The following MYRIP variants were observed in gnomAD, a reference collection of about 807,000 sequenced individuals.
MYRIP encodes rab effector MyRIP.
In MYRIP, 49 loss-of-function variants were observed where a neutral mutation model predicts 98.0. The ratio of observed to expected loss-of-function variants is 0.50; its 90% CI spans 0.40 to 0.63. The LOEUF (loss-of-function observed/expected upper bound fraction) is 0.63, where lower values mean the gene tolerates loss of function less well. MYRIP is among the 30% of genes least tolerant of loss of function. MYRIP has a pLI of 0.00. For missense variants in MYRIP, 1,004 were observed against 1,058.2 expected, an observed-to-expected ratio of 0.95 and a Z score of 0.71; for synonymous variants, 404 against 409.5, an observed-to-expected ratio of 0.99 and a Z score of 0.16.
At chr3:40,145,845 T>C (rs1328210747) in intron 3 of MYRIP, among the ~76,000 whole-genome samples, 3 of 152,214 alleles carry the variant, frequency 2.0e-5, no homozygotes, top group African/African-American at 4.8e-5. Flanking sequence ...CTGAGGTGAC[T>C]GAAGATGTCA....
chr3:40,048,830 T>G (rs1349033910), intron 3 of MYRIP, among the ~76,000 whole-genome samples: 1 of 152,168 alleles, frequency 6.6e-6, no homozygotes, highest in East Asian at 1.9e-4. Flanking sequence ...ATTAAATGTA[T>G]TATAGAATGA....
chr3:40,214,348 C>T (rs1039213746), intron 11 of MYRIP, among the ~76,000 whole-genome samples: 1 of 152,254 alleles, frequency 6.6e-6, no homozygotes, highest in East Asian at 1.9e-4. Context: ...TGGATATGCC[C>T]GTAGACACAG....
intron 3 of MYRIP, among the ~76,000 whole-genome samples, chr3:40,109,707 C>G (rs146071659): frequency 6.6e-6 from 1 of 152,334 alleles, no homozygotes; most frequent in African/African-American, 2.4e-5. Context: ...TACTGCTAAG[C>G]CAGATCACCA....
intron 16 of MYRIP, among the ~76,000 whole-genome samples, chr3:40,253,381 G>T (rs1165194722): frequency 6.6e-6 from 1 of 152,180 alleles, no homozygotes; most frequent in Admixed American, 6.5e-5. Flanking sequence ...TGAAGGTTCA[G>T]CTGTCTCTTA....
intron 3 of MYRIP, among the ~76,000 whole-genome samples, chr3:40,148,624 G>T (rs1244581390): frequency 1.3e-5 from 2 of 152,154 alleles, no homozygotes; most frequent in Non-Finnish European, 2.9e-5. Context: ...CTAGCCTGTT[G>T]CATGGATGCA....
At chr3:40,008,866 C>A (rs892701237) in intron 2 of MYRIP, among the ~76,000 whole-genome samples, 2 of 152,198 alleles carry the variant, frequency 1.3e-5, no homozygotes, top group Middle Eastern at 3.2e-3. Flanking sequence ...CAGACAGGAC[C>A]TAGGTAGCCT....
At chr3:40,018,813 C>CA (rs1177229412) in intron 2 of MYRIP, among the ~76,000 whole-genome samples, 1 of 152,066 alleles carries the variant, frequency 6.6e-6, no homozygotes, top group African/African-American at 2.4e-5. Flanking sequence ...AAACTAGTCA[C>CA]AAAAAATAAG....
chr3:40,128,329 C>T (rs1575559676), intron 3 of MYRIP, among the ~76,000 whole-genome samples: 1 of 152,184 alleles, frequency 6.6e-6, no homozygotes, highest in Non-Finnish European at 1.5e-5. Context: ...GCAGACTAGG[C>T]AGCATATCTG....
chr3:39,872,540 A>C (rs955991378), intron 1 of MYRIP, among the ~76,000 whole-genome samples: 2 of 125,844 alleles, frequency 1.6e-5, no homozygotes, highest in Admixed American at 1.1e-4. Flanking sequence ...TCCTGTGTCC[A>C]TGTGTTCTCA....
intron 2 of MYRIP, among the ~76,000 whole-genome samples, chr3:39,960,114 T>C (rs893501506): frequency 7.9e-5 from 12 of 152,118 alleles, no homozygotes; most frequent in African/African-American, 2.9e-4. Flanking sequence ...CAGCAGTGGA[T>C]GTGACAGTGA....
chr3:40,096,283 A>C (rs1948833797), intron 3 of MYRIP, among the ~76,000 whole-genome samples: 2 of 152,234 alleles, frequency 1.3e-5, no homozygotes, highest in African/African-American at 2.4e-5. Context: ...GCATGGTCAC[A>C]CAGTCACTGT....
intron 2 of MYRIP, among the ~76,000 whole-genome samples, chr3:39,915,909 C>T (rs1410168566): frequency 6.6e-6 from 1 of 151,930 alleles, no homozygotes; most frequent in Non-Finnish European, 1.5e-5. Context: ...TTTCACCCCT[C>T]CCCTAATTCT....
In MYRIP at chr3:39,873,814, T is replaced by C. The variant is rs1478835473; in HGVS notation, c.-30-26973T>C. The stretch of plus-strand genomic sequence containing the variant: ...TTCTTTTGGCTTAGGATTGACTTGG[T>C]GATGTGGGCCCTTTTTTGGTTCCAT... On this transcript the variant is annotated intron_variant, in intron 1 of 16. Transcript: ENST00000302541. Among the ~76,000 whole-genome samples, 1,308 of 151,968 alleles carry C rather than the reference T, an allele frequency of 8.6e-3. 17 individuals carry two copies. The highest frequency in any genetic ancestry group is 0.03 in the African/African-American group (1,233 of 41,338).
intron 1 of MYRIP, among the ~76,000 whole-genome samples, chr3:39,897,309 G>A (rs992776786): frequency 3.9e-5 from 6 of 152,140 alleles, no homozygotes; most frequent in African/African-American, 1.4e-4. Context: ...CCCCATGAAG[G>A]CAATACAATT....
At chr3:40,043,637 A>G (rs535927647) in intron 2 of MYRIP, among the ~76,000 whole-genome samples, 1 of 152,288 alleles carries the variant, frequency 6.6e-6, no homozygotes, top group African/African-American at 2.4e-5. Context: ...CCAGGACTGC[A>G]TTTATCATAT....
At chr3:40,197,842 A>G (rs542122343) in intron 10 of MYRIP, among the ~76,000 whole-genome samples, 2 of 152,278 alleles carry the variant, frequency 1.3e-5, no homozygotes, top group Non-Finnish European at 2.9e-5. Flanking sequence ...TCCTGTTAGC[A>G]GTTCTTAGAT....
chr3:39,938,923 C>G (rs1369728602), intron 2 of MYRIP, among the ~76,000 whole-genome samples: 1 of 152,166 alleles, frequency 6.6e-6, no homozygotes, highest in Non-Finnish European at 1.5e-5. Context: ...TTTGAGCCCT[C>G]TTGGCCTGGC....
At chr3:40,098,789 G>A (rs1241602854) in intron 3 of MYRIP, among the ~76,000 whole-genome samples, 1 of 46,300 alleles carries the variant, frequency 2.2e-5, no homozygotes, top group Non-Finnish European at 5.1e-5. Flanking sequence ...TCTTCTTACA[G>A]ATCAGAGATA....
chr3:40,043,956 A>G lies in MYRIP; in HGVS notation c.111-94A>G, dbSNP rs1383049230. The stretch of plus-strand genomic sequence containing the variant: ...AAGGTCCTACATGGTAGCTTGGCCT[A>G]AGGGAGGGACAGGGTGCATGCTTTG... On this transcript the variant is annotated intron_variant, in intron 2 of 16. Transcript: ENST00000302541. The G allele has an allele frequency of 2.6e-5, 31 of 1,178,470 alleles. No homozygotes were observed. In the South Asian group the frequency reaches 4.3e-4, roughly 16 times the overall value. The allele number at this position is 1,178,470 out of a possible 1,614,324, so 73.0% of individuals were successfully genotyped here. A position where few individuals can be genotyped will look rare whatever the true frequency, so the allele number is the denominator to read the frequency against.
Sources: allele counts gnomAD v4.1 joint callset (sites outside exome capture counted in the v4.1 genomes callset), GRCh38; gene constraint gnomAD v4.1.1; transcripts MANE v1.5; gene names NCBI Gene and HGNC (gene_info 2026-07-23, HGNC 2026-07-21).